AFF3: variants seen among roughly 807,000 people sequenced by gnomAD.
The protein encoded by AFF3 is AF4/FMR2 family member 3.
AFF3 carries 32 observed loss-of-function variants against 129.7 expected under a neutral mutation model. The ratio of observed to expected loss-of-function variants is 0.25; its 90% CI spans 0.19 to 0.33. The LOEUF is 0.33. Ranked by LOEUF, AFF3 falls within the 10% of genes least tolerant of loss-of-function variation. The pLI is 1.00. For missense variants in AFF3, 1,373 were observed against 1,592.0 expected (o/e 0.86, Z 2.34); for synonymous variants, 644 against 635.4 (o/e 1.01, Z -0.20).
chr2:99,816,342 A>G (rs1687231833), intron 8 of AFF3, among the ~76,000 whole-genome samples: 2 of 152,128 alleles, frequency 1.3e-5, no homozygotes, highest in African/African-American at 4.8e-5. Context: ...GTCAAATCTA[A>G]TTCTACTTCT....
At chr2:99,679,146 C>T (rs957846982) in intron 11 of AFF3, among the ~76,000 whole-genome samples, 1 of 152,166 alleles carries the variant, frequency 6.6e-6, no homozygotes, top group Non-Finnish European at 1.5e-5. Context: ...GTGTTTCCAA[C>T]TCTGATGTTT....
chr2:99,687,928 C>T (rs984231116), intron 11 of AFF3, among the ~76,000 whole-genome samples: 10 of 152,274 alleles, frequency 6.6e-5, no homozygotes, highest in East Asian at 3.9e-4. Context: ...CTGCGACCTC[C>T]GCCTCCCAGG....
intron 11 of AFF3, among the ~76,000 whole-genome samples, chr2:99,724,210 G>A (rs1213116367): frequency 2.0e-5 from 3 of 146,616 alleles, no homozygotes; most frequent in Admixed American, 1.4e-4. Context: ...TCTTGGTATG[G>A]AAAATGGGCA....
At chr2:100,024,103 G>A (rs1252488319) in intron 4 of AFF3, among the ~76,000 whole-genome samples, 1 of 149,888 alleles carries the variant, frequency 6.7e-6, no homozygotes, top group Non-Finnish European at 1.5e-5. Context: ...GTGGTGGCGG[G>A]CGCCTGTAGT....
intron 8 of AFF3, among the ~76,000 whole-genome samples, chr2:99,759,350 A>G (rs1034765034): frequency 6.6e-6 from 1 of 152,238 alleles, no homozygotes; most frequent in Non-Finnish European, 1.5e-5. Context: ...CATAATCCCC[A>G]AATAGGAATT....
chr2:99,573,004 C>T (rs76699941), intron 18 of AFF3, among the ~76,000 whole-genome samples: 3,419 of 152,330 alleles, frequency 0.022, 126 homozygotes, highest in African/African-American at 0.077. Context: ...CTGCTTCCCT[C>T]TCAGCCGGCC....
chr2:99,918,197 G>A (rs1030517169), intron 7 of AFF3, among the ~76,000 whole-genome samples: 31 of 152,090 alleles, frequency 2.0e-4, no homozygotes, highest in African/African-American at 7.2e-4. Context: ...TTGTATTGAT[G>A]TATATCTTCT....
At chr2:99,914,471 G>C (rs1299372396) in intron 7 of AFF3, among the ~76,000 whole-genome samples, 3 of 152,146 alleles carry the variant, frequency 2.0e-5, no homozygotes, top group Non-Finnish European at 4.4e-5. Context: ...AGGTGAAAGA[G>C]CCATCATTAG....
intron 8 of AFF3, among the ~76,000 whole-genome samples, chr2:99,820,654 C>G (rs1423325293): frequency 1.3e-5 from 2 of 148,988 alleles, no homozygotes; most frequent in African/African-American, 4.9e-5. Context: ...AACTTTTTGA[C>G]TCTTTTGTAA....
intron 8 of AFF3, among the ~76,000 whole-genome samples, chr2:99,820,232 G>A (rs1197656832): frequency 1.3e-5 from 2 of 152,088 alleles, no homozygotes; most frequent in Non-Finnish European, 2.9e-5. Flanking sequence ...AGCCTATATG[G>A]TATGGCCTAT....
chr2:99,710,748 T>C (rs1239449850), intron 11 of AFF3, among the ~76,000 whole-genome samples: 2 of 152,178 alleles, frequency 1.3e-5, no homozygotes, highest in Non-Finnish European at 2.9e-5. Flanking sequence ...GATATTTCAG[T>C]CATTTAAGAA....
chr2:99,621,248 T>C (rs1681974088), intron 13 of AFF3, among the ~76,000 whole-genome samples: 1 of 152,204 alleles, frequency 6.6e-6, no homozygotes, highest in Non-Finnish European at 1.5e-5. Flanking sequence ...TAATCTTCAG[T>C]TGACTATAAC....
At chr2:99,921,574 C>T (rs1441943826) in intron 7 of AFF3, among the ~76,000 whole-genome samples, 2 of 152,056 alleles carry the variant, frequency 1.3e-5, no homozygotes, top group Admixed American at 6.6e-5. Flanking sequence ...AGGAAGTGTA[C>T]GTAGGCACTC....
intron 8 of AFF3, among the ~76,000 whole-genome samples, chr2:99,828,555 C>T (rs986438345): frequency 1.3e-5 from 2 of 152,310 alleles, no homozygotes; most frequent in Non-Finnish European, 2.9e-5. Context: ...GAGACCGCCA[C>T]GAGACGGACC....
chr2:99,981,124 T>C (rs1679361519), intron 7 of AFF3, among the ~76,000 whole-genome samples: 2 of 152,210 alleles, frequency 1.3e-5, no homozygotes, highest in Non-Finnish European at 1.5e-5. Context: ...GTTCAAGCGA[T>C]TCTCCTGCCT....
chr2:99,977,984 T>C (rs1321664972), intron 7 of AFF3, among the ~76,000 whole-genome samples: 2 of 152,196 alleles, frequency 1.3e-5, no homozygotes, highest in African/African-American at 4.8e-5. Context: ...AGAGCTCAGC[T>C]GAAACCTGCC....
At chr2:100,026,981 T>G (rs11123804) in intron 4 of AFF3, among the ~76,000 whole-genome samples, 57,321 of 151,622 alleles carry the variant, frequency 0.38, 11,175 homozygotes, top group African/African-American at 0.46. Context: ...GGGTACTGTG[T>G]ATACTGCTCA....
chr2:99,873,482 G>A (rs568081966), intron 7 of AFF3, among the ~76,000 whole-genome samples: 1 of 152,278 alleles, frequency 6.6e-6, no homozygotes, highest in South Asian at 2.1e-4. Context: ...ACTCTACCTG[G>A]AAAATCACTG....
In AFF3 at chr2:99,554,584, G is replaced by A. The variant is rs749868802; in HGVS notation, c.3336-50C>T. 3.1e-6 allele frequency: 5 copies of A among 1,608,220 alleles called. No homozygotes were observed. The South Asian group carries it at 3.3e-5, about 11-fold the overall frequency. On this transcript the variant is annotated intron_variant, in intron 23 of 24. Transcript: ENST00000672756. ...CAGAGTGGCGAGGTCGGGAGCAAGC[G>A]AGGCAGGGCAGCCCCTTGGGGAACA... is the stretch of plus-strand genomic sequence containing the variant.
Sources: allele counts gnomAD v4.1 joint callset (sites outside exome capture counted in the v4.1 genomes callset), GRCh38; gene constraint gnomAD v4.1.1; transcripts MANE v1.5; gene names NCBI Gene and HGNC (gene_info 2026-07-23, HGNC 2026-07-21).